CD163L1: variants seen among roughly 807,000 people sequenced by gnomAD.
CD163L1 encodes scavenger receptor cysteine-rich type 1 protein M160.
A neutral mutation model predicts 165.4 loss-of-function variants in CD163L1; 124 were observed. The ratio of observed to expected loss-of-function variants is 0.75; its 90% CI spans 0.65 to 0.87. CD163L1 has a LOEUF of 0.87. Ranked by LOEUF, CD163L1 falls within the 40% of genes least tolerant of loss-of-function variation. The pLI is 0.00. For missense variants in CD163L1, 1,525 were observed against 1,799.9 expected (o/e 0.85, Z 2.76); for synonymous variants, 585 against 662.2 (o/e 0.88, Z 1.79).
chr12:7,367,360 T>C, intron 17 of CD163L1, 29 bp from the exon 18 acceptor site: 1 of 1,434,452 alleles, frequency 7.0e-7, no homozygotes, highest in Non-Finnish European at 9.8e-7. Flanking sequence ...TGGTTAGGAT[T>C]CAAATTCAAA....
At position 7,374,446 on chromosome 12, in the gene CD163L1, G is replaced by A. The variant is rs949392053; in HGVS notation, c.3405C>T (p.Cys1135=). Reference sequence around the variant, plus strand: ...TGAAAAGGTAGCAGCACAGACCTGAGCAGATGACCCCTGCGTCCTCCTTGT... The same window carrying A: ...TGAAAAGGTAGCAGCACAGACCTGAACAGATGACCCCTGCGTCCTCCTTGT... ...CRHKEDAGVI[C]SEFTALRLYS... The change falls in exon 13 of 20, where the codon TGC becomes TGT. Residue 1135 remains cysteine (C), a synonymous_variant. Coordinates refer to ENST00000313599, the MANE Select transcript of CD163L1 (RefSeq NM_174941.6). This position sits in a 1 kb window ranked among gnomAD's most constrained non-coding sequence, Gnocchi z 5.4. 17 of 1,610,384 alleles carry A rather than the reference G, an allele frequency of 1.1e-5. No individual in the cohort carries two copies. The highest frequency in any genetic ancestry group is 1.4e-5 in the Non-Finnish European group (17 of 1,178,158).
At chr12:7,417,436 CT>C (rs1333660806) in intron 4 of CD163L1, among the ~76,000 whole-genome samples, 1 of 152,030 alleles carries the variant, frequency 6.6e-6, no homozygotes, top group Non-Finnish European at 1.5e-5. Context: ...TGGCCAGAAC[CT>C]CCAACATTAT....
intron 2 of CD163L1, among the ~76,000 whole-genome samples, chr12:7,437,797 A>T (rs1048032682): frequency 6.6e-6 from 1 of 151,842 alleles, no homozygotes. Flanking sequence ...CTTCACACAA[A>T]AGAATTTTGC....
chr12:7,338,980 T>G, the CD163L1 span, among the ~76,000 whole-genome samples: 1 of 152,174 alleles, frequency 6.6e-6, no homozygotes, highest in Non-Finnish European at 1.5e-5. Flanking sequence ...GTTATCTCCC[T>G]TTTTACTTGA....
intron 6 of CD163L1, among the ~76,000 whole-genome samples, chr12:7,402,673 T>C (rs79278991): frequency 0.019 from 2,953 of 152,066 alleles, 56 homozygotes; most frequent in Middle Eastern, 0.075. Context: ...TCTCACTCTG[T>C]TGCCCAGGCT....
At chr12:7,387,674 C>T (rs1485725693) in intron 8 of CD163L1, among the ~76,000 whole-genome samples, 1 of 152,166 alleles carries the variant, frequency 6.6e-6, no homozygotes, top group African/African-American at 2.4e-5. Context: ...GAGGACCTCA[C>T]CAGAGGCAGA....
At chr12:7,434,567 T>A (rs1948689298) in intron 2 of CD163L1, among the ~76,000 whole-genome samples, 1 of 151,996 alleles carries the variant, frequency 6.6e-6, no homozygotes, top group South Asian at 2.1e-4. Flanking sequence ...AACTTTATGG[T>A]GAATTCTGTG....
rs1205584208 is a variant in CD163L1 at position 7,441,661 on chromosome 12, T to C, written c.32-415A>G. ...TTCATTCATTTGCTCCTTTATTGAG[T>C]ATGACATATGTACCCGATCTTGTGC... On this transcript the variant is annotated intron_variant, in intron 1 of 19. Coordinates refer to ENST00000313599, the MANE Select transcript of CD163L1 (RefSeq NM_174941.6). Among the ~76,000 whole-genome samples, 3 of 152,312 alleles carry C rather than the reference T, an allele frequency of 2.0e-5. No homozygotes were observed. In the East Asian group the frequency reaches 5.8e-4, roughly 29 times the overall value.
At chr12:7,338,338 A>G in the CD163L1 span, among the ~76,000 whole-genome samples, 1 of 152,178 alleles carries the variant, frequency 6.6e-6, no homozygotes, top group Non-Finnish European at 1.5e-5. Flanking sequence ...AAATAAAAAG[A>G]AAAATAAATT....
chr12:7,428,808 T>C (rs1948585376), intron 4 of CD163L1, among the ~76,000 whole-genome samples: 1 of 152,106 alleles, frequency 6.6e-6, no homozygotes, highest in Non-Finnish European at 1.5e-5. Flanking sequence ...AATATAAAAC[T>C]AACTTTTGCT....
chr12:7,410,195 G>T (rs1229992074), intron 4 of CD163L1, among the ~76,000 whole-genome samples: 1 of 152,030 alleles, frequency 6.6e-6, no homozygotes, highest in African/African-American at 2.4e-5. Flanking sequence ...CACAGGAAAT[G>T]CAGGAAAAAA....
At chr12:7,422,829 C>T (rs1438214245) in intron 4 of CD163L1, among the ~76,000 whole-genome samples, 2 of 149,964 alleles carry the variant, frequency 1.3e-5, no homozygotes, top group Non-Finnish European at 3.0e-5. Flanking sequence ...ATTCATAAAA[C>T]CAGTTCTTTA....
chr12:7,324,644 T>G, the CD163L1 span: 73 of 1,589,090 alleles, frequency 4.6e-5, no homozygotes, highest in Non-Finnish European at 6.1e-5. Context: ...TATTTTCAAG[T>G]TCTGTCCATT....
rs1248230328 is a variant in CD163L1, at chr12:7,368,903, G to A, written c.4072+30C>T. 1 of 1,611,258 alleles carries A rather than the reference G, an allele frequency of 6.2e-7. No homozygotes were observed. The highest frequency in any genetic ancestry group is 2.2e-5 in the East Asian group (1 of 44,852). On this transcript the variant is annotated intron_variant, in intron 16 of 19. Coordinates refer to ENST00000313599, the MANE Select transcript of CD163L1 (RefSeq NM_174941.6). This position sits in a 1 kb window ranked among gnomAD's most constrained non-coding sequence, Gnocchi z 4.3. ...ACCTTCCATGTAGCCTTAGGTATTT[G>A]TGTCAGCACTGATAGGCAGAAGACT...
At chr12:7,365,158 T>C (rs1946986444) in intron 18 of CD163L1, among the ~76,000 whole-genome samples, 1 of 151,950 alleles carries the variant, frequency 6.6e-6, no homozygotes, top group Admixed American at 6.6e-5. Context: ...ACCAAGGACA[T>C]ACATTGGGAA....
chr12:7,380,566 G>T (rs1947381924), intron 8 of CD163L1, among the ~76,000 whole-genome samples: 1 of 151,924 alleles, frequency 6.6e-6, no homozygotes, highest in African/African-American at 2.4e-5. Flanking sequence ...CTCATAAGTG[G>T]GGGGCTAAGC....
intron 2 of CD163L1, among the ~76,000 whole-genome samples, chr12:7,437,368 GGTACATGT>G (rs766239335): frequency 3.7e-3 from 360 of 96,476 alleles, no homozygotes; most frequent in African/African-American, 0.012. Context: ...TAAGTTCTAG[GGTACATGT>G]GCACAACGTG....
chr12:7,344,766 G>T (rs774024013), downstream of CD163L1, among the ~76,000 whole-genome samples: 68 of 152,306 alleles, frequency 4.5e-4, no homozygotes, highest in African/African-American at 1.6e-3. Context: ...TTCACTCTTG[G>T]ATTCTGTGTA....
intron 18 of CD163L1, among the ~76,000 whole-genome samples, chr12:7,361,943 A>T (rs1056835477): frequency 6.6e-6 from 1 of 151,774 alleles, no homozygotes; most frequent in Non-Finnish European, 1.5e-5. Context: ...GGAAACTACC[A>T]TTCTACTTTC....
Sources: gnomAD v4.1 joint callset for allele counts (sites outside exome capture counted in the v4.1 genomes callset) on GRCh38, gnomAD v4.1.1 for gene constraint, Gnocchi (gnomAD v3.1) non-coding constraint, MANE v1.5 for transcripts, NCBI Gene and HGNC (gene_info 2026-07-23, HGNC 2026-07-21) for gene names.